The following ADGRB1 variants were observed in gnomAD, a reference collection of about 807,000 sequenced individuals.
ADGRB1 encodes the protein brain-specific angiogenesis inhibitor 1.
A neutral mutation model predicts 175.7 loss-of-function variants in ADGRB1; 36 were observed. That is an observed-to-expected ratio of 0.20 (90% CI 0.16 to 0.27). The LOEUF is 0.27. Among genes scored for constraint, ADGRB1 ranks in the 10% least tolerant of loss-of-function variants. The pLI is 1.00. For synonymous variants in ADGRB1, 1,054 were observed against 979.4 expected, an observed-to-expected ratio of 1.08 and a Z score of -1.42; for missense variants, 1,731 against 2,255.3, an observed-to-expected ratio of 0.77 and a Z score of 4.71.
rs868506652 is a variant in ADGRB1, at chr8:142,510,612, C to A, written c.2676-320C>A. Among the ~76,000 whole-genome samples, 70 of 146,022 alleles carry A rather than the reference C, an allele frequency of 4.8e-4. No individual in the cohort carries two copies. Among genetic ancestry groups the A allele is most frequent in the Middle Eastern group, 3.5e-3 (1 of 284 alleles). On this transcript the variant is annotated intron_variant, in intron 17 of 30. Coordinates refer to ENST00000517894, the MANE Select transcript of ADGRB1 (RefSeq NM_001702.3). The surrounding 1 kb of genome is among the most constrained non-coding windows in gnomAD (Gnocchi z 6.3). ...AGCTGGGGGCGGCGGGGGCGCGGGGCGGGCGACTGCCGGGCCCCGGGCCAG... is the reference window on the plus strand; with the variant it reads ...AGCTGGGGGCGGCGGGGGCGCGGGGAGGGCGACTGCCGGGCCCCGGGCCAG...
intron 17 of ADGRB1, among the ~76,000 whole-genome samples, chr8:142,507,394 TG>T (rs1842897777): frequency 1.3e-5 from 2 of 152,198 alleles, no homozygotes; most frequent in African/African-American, 2.4e-5. Context: ...CCTTACAGAA[TG>T]GCCGGGAGCT....
chr8:142,464,831 C>G lies in ADGRB1; in HGVS notation c.633C>G (p.Thr211=). ...CGCACCCCTGCGGGATCATGCAGACCCCCTGCGCCTGCCTGGGCGGCGAGG... is the reference window on the plus strand; with the variant it reads ...CGCACCCCTGCGGGATCATGCAGACGCCCTGCGCCTGCCTGGGCGGCGAGG... ...RSSHPCGIMQ[T]PCACLGGEAG... Residue 211 remains threonine, a synonymous_variant, in exon 2 of 31, where the codon ACC becomes ACG. Coordinates refer to ENST00000517894, the MANE Select transcript of ADGRB1 (RefSeq NM_001702.3). 5.2e-6 allele frequency: 8 copies of G among 1,528,870 alleles called. No homozygotes were observed. In the South Asian group the frequency reaches 6.0e-5, roughly 11 times the overall value. 94.7% of individuals were successfully genotyped at this position (1,528,870 alleles called of 1,614,324 possible).
chr8:142,502,415 T>G (rs1374292096), intron 17 of ADGRB1, among the ~76,000 whole-genome samples: 4 of 63,280 alleles, frequency 6.3e-5, no homozygotes, highest in Non-Finnish European at 6.6e-5. Flanking sequence ...GTGGTGGTGG[T>G]GGTGATGGTG....
At chr8:142,519,688 T>TG (rs936406577) in intron 19 of ADGRB1, among the ~76,000 whole-genome samples, 2 of 119,544 alleles carry the variant, frequency 1.7e-5, no homozygotes, top group African/African-American at 5.1e-5. Context: ...ATGGTGGTAG[T>TG]GGTGGTTGTG....
chr8:142,519,073 C>G, intron 19 of ADGRB1, among the ~76,000 whole-genome samples: 1 of 152,096 alleles, frequency 6.6e-6, no homozygotes, highest in Non-Finnish European at 1.5e-5. Context: ...TCTCCACTGT[C>G]CTGCCTGAGG....
chr8:142,488,436 C>T lies in ADGRB1; in HGVS notation c.2381C>T (p.Thr794Met), dbSNP rs1223839038. Residue 794 changes from threonine to methionine, a missense_variant, in exon 14 of 31, where the codon ACG becomes ATG. By Grantham distance (81) the Thr-to-Met change is moderately conservative (BLOSUM62 -1). Around this residue, in one of 8 missense-constraint regions of ADGRB1, gnomAD observed 388 missense variants for 630.9 expected, o/e 0.61. Coordinates refer to ENST00000517894, the MANE Select transcript of ADGRB1 (RefSeq NM_001702.3). The stretch of plus-strand genomic sequence containing the variant: ...TTCCCCATGAAGGGCTGGCGGGCCA[C>T]GGGTGACTGGGCCAAGGTGCCAGAG... ...ISFPMKGWRA[T>M]GDWAKVPEDR... 12 of 1,613,004 alleles carry T rather than the reference C, an allele frequency of 7.4e-6. No individual in the cohort carries two copies. Among genetic ancestry groups the T allele is most frequent in the South Asian group, 1.1e-5 (1 of 91,086 alleles).
At position 142,464,369 on chromosome 8, in the gene ADGRB1, G is replaced by A; in HGVS notation, c.171G>A (p.Ala57=). 4 of 1,521,400 alleles carry A rather than the reference G, an allele frequency of 2.6e-6. No homozygotes were observed. The highest frequency in any genetic ancestry group is 2.5e-5 in the South Asian group (2 of 81,180). The allele number at this position is 1,521,400 out of a possible 1,614,324, so 94.2% of individuals were successfully genotyped here. The change falls in exon 2 of 31, where the codon GCG becomes GCA. Residue 57 remains alanine, a synonymous_variant. Transcript: ENST00000517894. ...GAAAGTTCTTCGGCTACTTCTCCGC[G>A]GCCGCCGTGTTCCCGGCCAACGCCT... ...VQGKFFGYFS[A]AAVFPANASR... is the part of the protein sequence containing the mutation.
intron 4 of ADGRB1, among the ~76,000 whole-genome samples, 183 bp from the exon 5 acceptor site, chr8:142,476,931 G>T (rs1387647446): frequency 2.0e-5 from 3 of 152,228 alleles, no homozygotes; most frequent in Admixed American, 6.5e-5. Context: ...GGCCCTCAGG[G>T]CTCCCAGCCT....
chr8:142,493,498 G>A lies in ADGRB1; in HGVS notation c.2675+2683G>A, dbSNP rs1842077001. ...TTCCACCCACCCCGTCACCGGCTGG[G>A]TGCGCTGAGTGCTAAGGTCTTGGTG... On this transcript the variant is annotated intron_variant, in intron 17 of 30. Transcript: ENST00000517894. This position sits in a 1 kb window ranked among gnomAD's most constrained non-coding sequence, Gnocchi z 5.0. Among the ~76,000 whole-genome samples, 2 of 152,230 alleles carry A rather than the reference G, an allele frequency of 1.3e-5. No homozygotes were observed. The highest frequency in any genetic ancestry group is 4.8e-5 in the African/African-American group (2 of 41,468).
At chr8:142,519,703 T>G (rs1252315392) in intron 19 of ADGRB1, among the ~76,000 whole-genome samples, 1 of 88,578 alleles carries the variant, frequency 1.1e-5, no homozygotes, top group African/African-American at 2.7e-5. Flanking sequence ...GTTGTGATGG[T>G]GTTGGTGGTG....
At chr8:142,503,878 C>T (rs1205561272) in intron 17 of ADGRB1, among the ~76,000 whole-genome samples, 1 of 152,142 alleles carries the variant, frequency 6.6e-6, no homozygotes, top group African/African-American at 2.4e-5. Flanking sequence ...CAGGTGGGAG[C>T]CAGGAGATTG....
intron 4 of ADGRB1, 79 bp downstream of exon 4, chr8:142,476,774 G>A (rs976829710): frequency 4.7e-5 from 62 of 1,326,966 alleles, no homozygotes; most frequent in Non-Finnish European, 5.8e-5. Context: ...CTAGTTATGG[G>A]TAGTAACTTG....
intron 1 of ADGRB1, among the ~76,000 whole-genome samples, chr8:142,458,304 G>A (rs901870145): frequency 6.6e-6 from 1 of 152,196 alleles, no homozygotes; most frequent in African/African-American, 2.4e-5. Context: ...GGGTGTGATT[G>A]GAACCCAGGC....
At position 142,539,232 on chromosome 8, in the gene ADGRB1, C is replaced by T. The variant is rs542096230; in HGVS notation, c.3667-142C>T. 4.5e-5 allele frequency: 35 copies of T among 779,876 alleles called. No homozygotes were observed. The East Asian group carries it at 4.6e-4, about 10-fold the overall frequency. The allele number at this position is 779,876 out of a possible 1,614,324, so 48.3% of individuals were successfully genotyped here. Reference sequence around the variant, plus strand: ...GTACATGGGGAGGCATGGTCGCCCACGTGGGGCACTGGGCTGTGGACATGG... The same window carrying T: ...GTACATGGGGAGGCATGGTCGCCCATGTGGGGCACTGGGCTGTGGACATGG... On this transcript the variant is annotated intron_variant, in intron 26 of 30. Coordinates refer to ENST00000517894, the MANE Select transcript of ADGRB1 (RefSeq NM_001702.3).
At chr8:142,540,775 G>A (rs2132278000) in intron 27 of ADGRB1, among the ~76,000 whole-genome samples, 2 of 152,192 alleles carry the variant, frequency 1.3e-5, no homozygotes, top group Middle Eastern at 3.4e-3. Flanking sequence ...TGGGGCATGT[G>A]GGTCTGACGG....
chr8:142,511,540 G>A lies in ADGRB1; in HGVS notation c.2817+467G>A, dbSNP rs1287315136. Among the ~76,000 whole-genome samples, 1 of 152,184 alleles carries A rather than the reference G, an allele frequency of 6.6e-6. No individual in the cohort carries two copies. Among genetic ancestry groups the A allele is most frequent in the Non-Finnish European group, 1.5e-5 (1 of 68,010 alleles). On this transcript the variant is annotated intron_variant, in intron 18 of 30. Coordinates refer to ENST00000517894, the MANE Select transcript of ADGRB1 (RefSeq NM_001702.3). The surrounding 1 kb of genome is among the most constrained non-coding windows in gnomAD (Gnocchi z 4.5). ...ACCCACCCCAAGTAGAGCCTGGTCC[G>A]TGGAGGAGGAGGTGGCGGTGGCCCC...
rs1842227337 is a variant in ADGRB1 at position 142,496,570 on chromosome 8, GT to G, written c.2675+5756del. ...GGACAGCTCCCTGGGTGTTTTACAC[GT>G]AAGAGTTGCAAATATCTTTCAGTCT... On this transcript the variant is annotated intron_variant, in intron 17 of 30. Coordinates refer to ENST00000517894, the MANE Select transcript of ADGRB1 (RefSeq NM_001702.3). 2.6e-5 allele frequency among the ~76,000 whole-genome samples: 4 copies of G among 152,336 alleles called. No homozygotes were observed. In the South Asian group the frequency reaches 8.3e-4, roughly 32 times the overall value.
At position 142,543,761 on chromosome 8, in the gene ADGRB1, G is replaced by T; in HGVS notation, c.4557+53G>T. On this transcript the variant is annotated intron_variant, in intron 30 of 30. Coordinates refer to ENST00000517894, the MANE Select transcript of ADGRB1 (RefSeq NM_001702.3). This position sits in a 1 kb window ranked among gnomAD's most constrained non-coding sequence, Gnocchi z 4.4. ...GGGAGAGCCCTTAGGTCAGGCCACC[G>T]TCTCCCTTCTTCCCTGGATTTGTGC... is the stretch of plus-strand genomic sequence containing the variant. 2 of 1,461,088 alleles carry T rather than the reference G, an allele frequency of 1.4e-6. No individual in the cohort carries two copies. Among genetic ancestry groups the T allele is most frequent in the Admixed American group, 3.9e-5 (2 of 50,830 alleles). 90.5% of individuals were successfully genotyped at this position (1,461,088 alleles called of 1,614,324 possible).
intron 17 of ADGRB1, among the ~76,000 whole-genome samples, chr8:142,498,260 G>A (rs1055089226): frequency 7.2e-5 from 11 of 152,192 alleles, no homozygotes; most frequent in African/African-American, 1.7e-4. Flanking sequence ...AGAAGCCCCC[G>A]AGGGCAGGGC....
Sources: allele counts gnomAD v4.1 joint callset (sites outside exome capture counted in the v4.1 genomes callset), GRCh38; gene constraint gnomAD v4.1.1; regional missense constraint gnomAD v4.1.1; non-coding constraint Gnocchi (gnomAD v3.1); transcripts MANE v1.5; gene names NCBI Gene and HGNC (gene_info 2026-07-23, HGNC 2026-07-21).